Variants in DSCAM observed in about 807,000 individuals in gnomAD.
The protein encoded by DSCAM is DS cell adhesion molecule, also known as cell adhesion molecule DSCAM.
Under a neutral mutation model 217.7 loss-of-function variants are expected in DSCAM, and 47 were observed. The observed-to-expected ratio is 0.22, with a 90% CI of 0.17 to 0.28. DSCAM has a LOEUF of 0.28. Ranked by LOEUF, DSCAM falls within the 10% of genes least tolerant of loss-of-function variation. DSCAM has a pLI of 1.00. For synonymous variants in DSCAM, 1,056 were observed against 1,015.3 expected (o/e 1.04, Z -0.76); for missense variants, 2,080 against 2,618.3 (o/e 0.79, Z 4.49).
chr21:40,422,826 T>C (rs897652561), intron 3 of DSCAM, among the ~76,000 whole-genome samples: 1 of 152,186 alleles, frequency 6.6e-6, no homozygotes, highest in African/African-American at 2.4e-5. Flanking sequence ...TTGCAGAAAA[T>C]CATACATTCA....
chr21:40,044,028 C>T (rs761537646), intron 31 of DSCAM, 50 bp downstream of exon 31: 33 of 1,590,614 alleles, frequency 2.1e-5, no homozygotes, highest in Admixed American at 2.0e-4. Context: ...GCTCAAGGTG[C>T]GGGGGCCGTG....
At chr21:40,589,439 G>A (rs2076968788) in intron 3 of DSCAM, among the ~76,000 whole-genome samples, 1 of 152,116 alleles carries the variant, frequency 6.6e-6, no homozygotes, top group African/African-American at 2.4e-5. Context: ...AGCTGGGTGT[G>A]GTGGCATGTG....
At chr21:40,713,890 G>A (rs918819232) in intron 1 of DSCAM, among the ~76,000 whole-genome samples, 4 of 152,082 alleles carry the variant, frequency 2.6e-5, no homozygotes, top group East Asian at 1.9e-4. Flanking sequence ...GGCACTCTCC[G>A]TGGCTTGCTA....
Position 40,617,173 on chromosome 21 carries a change from G to A in DSCAM, c.508+75637C>T, listed in dbSNP as rs888038666. Among the ~76,000 whole-genome samples, 28 of 142,878 alleles carry A rather than the reference G, an allele frequency of 2.0e-4. 1 individual carries two copies. Among genetic ancestry groups the A allele is most frequent in the Admixed American group, 1.8e-3 (26 of 14,436 alleles). The allele number at this position is 142,878 out of a possible 152,430, so 93.7% of individuals were successfully genotyped here. A position where few individuals can be genotyped will look rare whatever the true frequency, so the allele number is the denominator to read the frequency against. The stretch of plus-strand genomic sequence containing the variant: ...GAGTCTTGCTCAGTTGCCCAGGCTG[G>A]AGTGCAGTGGTGCAATCTCGGCTCA... On this transcript the variant is annotated intron_variant, in intron 3 of 32. Transcript: ENST00000400454.
intron 1 of DSCAM, among the ~76,000 whole-genome samples, chr21:40,726,478 G>A (rs1462812654): frequency 6.6e-6 from 1 of 151,862 alleles, no homozygotes; most frequent in East Asian, 1.9e-4. Flanking sequence ...AAACTTGAAA[G>A]ATTAAGAATT....
At chr21:40,109,345 T>C (rs1011400100) in intron 20 of DSCAM, among the ~76,000 whole-genome samples, 1 of 152,168 alleles carries the variant, frequency 6.6e-6, no homozygotes, top group Non-Finnish European at 1.5e-5. Flanking sequence ...AGGACATGAA[T>C]AGACACTTTT....
At chr21:40,077,508 T>C (rs909573431) in intron 26 of DSCAM, among the ~76,000 whole-genome samples, 6 of 152,186 alleles carry the variant, frequency 3.9e-5, no homozygotes, top group African/African-American at 1.2e-4. Flanking sequence ...TAGGATGGCA[T>C]AAACTGTGCT....
chr21:40,683,789 G>A (rs2090443497), intron 3 of DSCAM, among the ~76,000 whole-genome samples: 2 of 152,120 alleles, frequency 1.3e-5, no homozygotes, highest in Non-Finnish European at 2.9e-5. Context: ...GAAAAGTTAC[G>A]ATCCTTTGAA....
chr21:40,227,810 G>A (rs750155412), intron 11 of DSCAM, among the ~76,000 whole-genome samples: 5 of 152,144 alleles, frequency 3.3e-5, no homozygotes, highest in Non-Finnish European at 7.4e-5. Flanking sequence ...AGTGTGGCAC[G>A]TTTGTTACAA....
intron 3 of DSCAM, among the ~76,000 whole-genome samples, chr21:40,614,487 G>T (rs2089361349): frequency 6.6e-6 from 1 of 152,086 alleles, no homozygotes; most frequent in South Asian, 2.1e-4. Context: ...TGGGAAAAAA[G>T]ACCTACTGTG....
rs575142068 is a variant in DSCAM at position 40,198,713 on chromosome 21, G to T, written c.2357-9475C>A. ...AAAGGGGAGCCTGGGGCTCCAGGGG[G>T]CAGGAAAGTGAACAGCTGAAAACCT... On this transcript the variant is annotated intron_variant, in intron 11 of 32. Transcript: ENST00000400454. Among the ~76,000 whole-genome samples the T allele has an allele frequency of 3.6e-4, 55 of 152,340 alleles. No individual in the cohort carries two copies. In the South Asian group the frequency reaches 7.0e-3, roughly 20 times the overall value.
intron 3 of DSCAM, among the ~76,000 whole-genome samples, chr21:40,417,898 G>A (rs1056939047): frequency 3.6e-4 from 55 of 152,142 alleles, no homozygotes; most frequent in African/African-American, 1.3e-3. Context: ...CCACTATCAT[G>A]ATCCTCATGT....
intron 3 of DSCAM, among the ~76,000 whole-genome samples, chr21:40,518,595 CACAT>C (rs1358506232): frequency 5.1e-4 from 45 of 88,580 alleles, no homozygotes; most frequent in African/African-American, 2.0e-3. Context: ...TATACACACA[CACAT>C]ATATACATAC....
intron 20 of DSCAM, among the ~76,000 whole-genome samples, chr21:40,114,255 GCT>G (rs2089938926): frequency 2.8e-5 from 4 of 141,830 alleles, no homozygotes; most frequent in African/African-American, 7.6e-5. Context: ...CAGAAATAAT[GCT>G]CCATATCTAC....
intron 3 of DSCAM, among the ~76,000 whole-genome samples, chr21:40,616,941 C>G (rs1448604922): frequency 1.4e-5 from 2 of 140,332 alleles, no homozygotes; most frequent in African/African-American, 2.6e-5. Context: ...GGCGTGAACC[C>G]GGGAGGCGGA....
chr21:40,526,115 C>T (rs1568878487), intron 3 of DSCAM, among the ~76,000 whole-genome samples: 3 of 152,156 alleles, frequency 2.0e-5, no homozygotes, highest in African/African-American at 7.2e-5. Context: ...TCCTTACACT[C>T]AAATTCTTGT....
intron 16 of DSCAM, among the ~76,000 whole-genome samples, chr21:40,165,854 G>A (rs1475806229): frequency 1.3e-5 from 2 of 152,022 alleles, no homozygotes; most frequent in East Asian, 1.9e-4. Context: ...GCGGGAATGC[G>A]TGTGGGGTTA....
At chr21:40,557,721 A>G (rs1361022170) in intron 3 of DSCAM, among the ~76,000 whole-genome samples, 5 of 152,156 alleles carry the variant, frequency 3.3e-5, no homozygotes, top group African/African-American at 1.2e-4. Context: ...TGAGGCCCTC[A>G]CTGGATGCAG....
intron 11 of DSCAM, among the ~76,000 whole-genome samples, chr21:40,227,333 T>C (rs1601461174): frequency 6.6e-6 from 1 of 152,172 alleles, no homozygotes; most frequent in African/African-American, 2.4e-5. Flanking sequence ...TGACTCAGCC[T>C]CCCAGCTGCC....
Sources: gnomAD v4.1 joint callset for allele counts (sites outside exome capture counted in the v4.1 genomes callset) on GRCh38, gnomAD v4.1.1 for gene constraint, MANE v1.5 for transcripts, NCBI Gene and HGNC (gene_info 2026-07-23, HGNC 2026-07-21) for gene names.